Variants in STPG2 observed in about 807,000 individuals in gnomAD.
The protein encoded by STPG2 is sperm-tail PG-rich repeat-containing protein 2.
In STPG2, 56 loss-of-function variants were observed where a neutral mutation model predicts 54.2. The ratio of observed to expected loss-of-function variants is 1.03; its 90% CI spans 0.83 to 1.29. The LOEUF (loss-of-function observed/expected upper bound fraction) is 1.29. STPG2 is among the 50% of genes most tolerant of loss of function. The probability of loss-of-function intolerance (pLI) is 0.00; values close to 1 mark genes in which losing one functional copy is unlikely to be tolerated. For synonymous variants in STPG2, 200 were observed against 181.8 expected (o/e 1.10, Z -0.81); for missense variants, 596 against 544.9 (o/e 1.09, Z -0.93).
chr4:98,103,266 A>G (rs1739097512), intron 5 of STPG2, among the ~76,000 whole-genome samples: 2 of 152,310 alleles, frequency 1.3e-5, no homozygotes, highest in Middle Eastern at 3.4e-3. Context: ...GACTAAATGT[A>G]CATACACTTA....
At chr4:97,583,595 T>G (rs578174105) in intron 10 of STPG2, among the ~76,000 whole-genome samples, 1 of 151,730 alleles carries the variant, frequency 6.6e-6, no homozygotes, top group South Asian at 2.1e-4. Flanking sequence ...TTAGGACTAT[T>G]TGGTTGGAGA....
At chr4:98,083,560 A>C (rs1738414620) in intron 5 of STPG2, among the ~76,000 whole-genome samples, 1 of 152,150 alleles carries the variant, frequency 6.6e-6, no homozygotes, top group Non-Finnish European at 1.5e-5. Flanking sequence ...AATTTCCATC[A>C]CATTTATCAA....
At chr4:97,787,883 A>G (rs990757596) in intron 9 of STPG2, among the ~76,000 whole-genome samples, 8 of 151,702 alleles carry the variant, frequency 5.3e-5, no homozygotes, top group Admixed American at 2.0e-4. Flanking sequence ...TGGCAACTAG[A>G]TATTGACATA....
At chr4:97,952,437 A>G (rs1733507661) in intron 7 of STPG2, among the ~76,000 whole-genome samples, 1 of 152,188 alleles carries the variant, frequency 6.6e-6, no homozygotes, top group Non-Finnish European at 1.5e-5. Flanking sequence ...AAGGCCTGCC[A>G]GCTGGATTCT....
chr4:97,693,020 C>A (rs894520333), intron 10 of STPG2, among the ~76,000 whole-genome samples: 4 of 151,918 alleles, frequency 2.6e-5, no homozygotes, highest in Non-Finnish European at 5.9e-5. Context: ...CACTACTAAG[C>A]CAGCACTACA....
At chr4:97,843,472 C>T (rs1022830708) in intron 8 of STPG2, among the ~76,000 whole-genome samples, 1 of 151,862 alleles carries the variant, frequency 6.6e-6, no homozygotes, top group African/African-American at 2.4e-5. Flanking sequence ...AAAATGTTTT[C>T]TGACACATAA....
chr4:98,073,167 T>C (rs1335599048), intron 5 of STPG2, among the ~76,000 whole-genome samples: 1 of 152,106 alleles, frequency 6.6e-6, no homozygotes, highest in African/African-American at 2.4e-5. Flanking sequence ...ATAAAAGAGG[T>C]ATTAGAATTT....
chr4:97,906,192 C>A (rs1048650316), intron 8 of STPG2, among the ~76,000 whole-genome samples: 5 of 152,016 alleles, frequency 3.3e-5, no homozygotes, highest in African/African-American at 9.7e-5. Flanking sequence ...ATATCACCAC[C>A]GATCCCACAG....
At chr4:97,591,795 T>C (rs1560675696) in intron 10 of STPG2, among the ~76,000 whole-genome samples, 1 of 152,186 alleles carries the variant, frequency 6.6e-6, no homozygotes. Flanking sequence ...AGGATGTTGG[T>C]AGCTAACCCA....
chr4:98,071,274 C>G (rs1168742816), intron 5 of STPG2, among the ~76,000 whole-genome samples: 3 of 152,114 alleles, frequency 2.0e-5, no homozygotes, highest in South Asian at 2.1e-4. Flanking sequence ...ATACCTACAA[C>G]TAACTGATCT....
intron 10 of STPG2, among the ~76,000 whole-genome samples, chr4:97,691,738 C>T (rs763461326): frequency 3.3e-5 from 5 of 152,196 alleles, no homozygotes; most frequent in African/African-American, 7.2e-5. Flanking sequence ...GGAGGCAAAA[C>T]GATACAAAAC....
intron 5 of STPG2, among the ~76,000 whole-genome samples, chr4:98,100,538 T>C (rs1005278841): frequency 6.6e-6 from 1 of 152,112 alleles, no homozygotes; most frequent in Non-Finnish European, 1.5e-5. Flanking sequence ...TAACTCATTT[T>C]TATGTACCAT....
At chr4:97,974,567 G>A (rs1218429538) in intron 6 of STPG2, among the ~76,000 whole-genome samples, 1 of 152,164 alleles carries the variant, frequency 6.6e-6, no homozygotes, top group Non-Finnish European at 1.5e-5. Context: ...GGAACCTGGT[G>A]GGAGGTAATT....
chr4:97,904,226 G>A (rs1731303182), intron 8 of STPG2, among the ~76,000 whole-genome samples: 2 of 152,158 alleles, frequency 1.3e-5, no homozygotes, highest in Admixed American at 6.5e-5. Flanking sequence ...GAGAGCAGTG[G>A]TTCTCCCAGC....
In STPG2 at chr4:97,493,229, A is replaced by T. The variant is rs970620211; in HGVS notation, c.462+219470T>A. 2.0e-5 allele frequency among the ~76,000 whole-genome samples: 3 copies of T among 151,304 alleles called. No individual in the cohort carries two copies. In the Admixed American group the frequency reaches 2.0e-4, roughly 10 times the overall value. On this transcript the variant is annotated intron_variant, in intron 4 of 4. Transcript: ENST00000522676. ...CAAGAATAACACTGGTAAGACCCTG[A>T]GGAAAAAGCAAAACAAAACAGAACC...
At chr4:97,585,619 G>C (rs1732977700) in intron 10 of STPG2, among the ~76,000 whole-genome samples, 1 of 151,908 alleles carries the variant, frequency 6.6e-6, no homozygotes, top group Non-Finnish European at 1.5e-5. Context: ...CACAGCAAGG[G>C]AGCCTCACTG....
intron 9 of STPG2, among the ~76,000 whole-genome samples, chr4:97,832,618 G>A (rs184323444): frequency 1.3e-5 from 2 of 152,242 alleles, no homozygotes; most frequent in Non-Finnish European, 2.9e-5. Context: ...AAACCCCATC[G>A]TCTCAGCCCA....
intron 8 of STPG2, among the ~76,000 whole-genome samples, chr4:97,848,234 C>G (rs750625498): frequency 3.3e-5 from 5 of 152,270 alleles, no homozygotes; most frequent in Non-Finnish European, 4.4e-5. Flanking sequence ...TGATATCTTA[C>G]TCTTCTGAAT....
intron 3 of STPG2, among the ~76,000 whole-genome samples, chr4:98,118,804 A>G (rs148825336): frequency 1.0e-3 from 153 of 152,302 alleles, no homozygotes; most frequent in Middle Eastern, 3.4e-3. Flanking sequence ...TGAACATGTC[A>G]AAAGGACACA....
Sources: gnomAD v4.1 joint callset for allele counts (sites outside exome capture counted in the v4.1 genomes callset) on GRCh38, gnomAD v4.1.1 for gene constraint, MANE v1.5 for transcripts, NCBI Gene and HGNC (gene_info 2026-07-23, HGNC 2026-07-21) for gene names.